TATDN1: variants seen among roughly 807,000 people sequenced by gnomAD.
TATDN1 encodes TatD DNase domain containing 1.
Under a neutral mutation model 46.4 loss-of-function variants are expected in TATDN1, and 40 were observed. That is an observed-to-expected ratio of 0.86 (90% CI 0.67 to 1.12). The LOEUF (loss-of-function observed/expected upper bound fraction) is 1.12. Among genes scored for constraint, TATDN1 ranks in the 50% most tolerant of loss-of-function variants. The pLI, the probability that TATDN1 is intolerant of heterozygous loss-of-function variation, is 0.00. For missense variants in TATDN1, 326 were observed against 348.4 expected (o/e 0.94, Z 0.51); for synonymous variants, 95 against 105.6 (o/e 0.90, Z 0.62).
At chr8:124,506,857 A>G (rs1022445430) in intron 8 of TATDN1, among the ~76,000 whole-genome samples, 1 of 152,178 alleles carries the variant, frequency 6.6e-6, no homozygotes, top group African/African-American at 2.4e-5. Context: ...AAAGGAGTCC[A>G]TGATCGAAGA....
intron 6 of TATDN1, 56 bp downstream of exon 6, chr8:124,515,689 AT>A: frequency 6.6e-7 from 1 of 1,523,668 alleles, no homozygotes. Flanking sequence ...GATACAAGAT[AT>A]TTTAAAAATC....
chr8:124,497,471 A>G (rs908087010), intron 9 of TATDN1, among the ~76,000 whole-genome samples: 1 of 151,848 alleles, frequency 6.6e-6, no homozygotes, highest in African/African-American at 2.4e-5. Context: ...TTTTTAGTAG[A>G]GAGGGGGGTT....
chr8:124,511,794 G>A (rs1819041530), intron 6 of TATDN1, among the ~76,000 whole-genome samples: 1 of 152,050 alleles, frequency 6.6e-6, no homozygotes, highest in African/African-American at 2.4e-5. Flanking sequence ...TTTCTAGTAT[G>A]AGGAATGTAA....
chr8:124,504,983 G>A (rs906340865), intron 8 of TATDN1, among the ~76,000 whole-genome samples: 6 of 149,712 alleles, frequency 4.0e-5, no homozygotes, highest in East Asian at 2.0e-4. Flanking sequence ...TTGAACTCCC[G>A]ACCTCAGGTG....
chr8:124,513,784 A>T (rs1271680148), intron 6 of TATDN1, among the ~76,000 whole-genome samples: 1 of 152,254 alleles, frequency 6.6e-6, no homozygotes, highest in African/African-American at 2.4e-5. Flanking sequence ...TGCTTGTCAT[A>T]ACACAGTCTA....
intron 5 of TATDN1, 32 bp from the exon 6 acceptor site, chr8:124,515,820 T>C (rs1819414856): frequency 1.9e-6 from 3 of 1,613,480 alleles, no homozygotes; most frequent in African/African-American, 1.3e-5. Flanking sequence ...TAATTACTCC[T>C]AACTTATACA....
At chr8:124,497,285 C>CT (rs1554605398) in intron 9 of TATDN1, among the ~76,000 whole-genome samples, 1 of 147,032 alleles carries the variant, frequency 6.8e-6, no homozygotes. Context: ...CTTCTTTCTT[C>CT]TTCTTTTTTT....
intron 11 of TATDN1, among the ~76,000 whole-genome samples, chr8:124,492,751 C>CAAAAAAAAAAAAAAAAA (rs397892964): frequency 1.4e-5 from 1 of 72,360 alleles, no homozygotes; most frequent in African/African-American, 5.2e-5. Context: ...AAGATGGTCT[C>CAAAAAAAAAAAAAAAAA]AAAAAAAAAA....
intron 1 of TATDN1, among the ~76,000 whole-genome samples, chr8:124,533,266 C>T (rs1368343734): frequency 2.7e-5 from 4 of 149,678 alleles, no homozygotes; most frequent in Non-Finnish European, 5.9e-5. Context: ...AAAAAAAACG[C>T]AAAATGGTAG....
chr8:124,501,798 T>C (rs1314019581), intron 9 of TATDN1, among the ~76,000 whole-genome samples: 1 of 151,912 alleles, frequency 6.6e-6, no homozygotes, highest in Non-Finnish European at 1.5e-5. Context: ...TGCCCCCCAC[T>C]GGAAGGGCTA....
At chr8:124,502,375 T>G (rs934928619) in intron 9 of TATDN1, among the ~76,000 whole-genome samples, 5 of 151,204 alleles carry the variant, frequency 3.3e-5, no homozygotes, top group African/African-American at 9.7e-5. Context: ...TTCTCTCCCC[T>G]TTCATTAACT....
chr8:124,518,741 C>A (rs780046414), intron 4 of TATDN1, 77 bp downstream of exon 4: 2 of 999,182 alleles, frequency 2.0e-6, no homozygotes, highest in East Asian at 2.4e-5. Context: ...TTGTATTGTA[C>A]CTGAAGCAGT....
chr8:124,498,415 A>ACCCCCCCCCCCCCC (rs1179178293), intron 9 of TATDN1, among the ~76,000 whole-genome samples: 2 of 128,646 alleles, frequency 1.6e-5, no homozygotes, highest in African/African-American at 2.9e-5. Context: ...TCTTAAGAAA[A>ACCCCCCCCCCCCCC]CCCCCACCCC....
chr8:124,502,474 T>C (rs1433304017), intron 9 of TATDN1, among the ~76,000 whole-genome samples: 1 of 152,216 alleles, frequency 6.6e-6, no homozygotes, highest in African/African-American at 2.4e-5. Flanking sequence ...CAGAATCGTG[T>C]AGTTGCTCAT....
At chr8:124,495,678 AT>A in intron 9 of TATDN1, 136 bp from the exon 10 acceptor site, 1 of 632,968 alleles carries the variant, frequency 1.6e-6, no homozygotes, top group South Asian at 2.1e-5. Flanking sequence ...TTTGGAAAGT[AT>A]TTGCACACCT....
chr8:124,497,576 C>T (rs1445952052), intron 9 of TATDN1, among the ~76,000 whole-genome samples: 6 of 152,186 alleles, frequency 3.9e-5, no homozygotes, highest in South Asian at 2.1e-4. Context: ...CACAATCCAC[C>T]GTGACCAGCC....
At chr8:124,498,673 C>T (rs776081694) in intron 9 of TATDN1, among the ~76,000 whole-genome samples, 26 of 152,182 alleles carry the variant, frequency 1.7e-4, no homozygotes, top group Middle Eastern at 3.4e-3. Flanking sequence ...ACAGAACAGA[C>T]GGAGTCTCTC....
At chr8:124,509,673 G>A (rs1818835413) in intron 6 of TATDN1, among the ~76,000 whole-genome samples, 1 of 152,086 alleles carries the variant, frequency 6.6e-6, no homozygotes, top group South Asian at 2.1e-4. Flanking sequence ...TGATGTGCAG[G>A]ACTATTTTAC....
intron 9 of TATDN1, chr8:124,503,909 G>A (rs776011922): frequency 6.2e-6 from 8 of 1,293,278 alleles, no homozygotes; most frequent in East Asian, 5.5e-5. Context: ...AGAATAAACC[G>A]TTCGTCCATA....
Sources: gnomAD v4.1 joint callset for allele counts (sites outside exome capture counted in the v4.1 genomes callset) on GRCh38, gnomAD v4.1.1 for gene constraint, MANE v1.5 for transcripts, NCBI Gene and HGNC (gene_info 2026-07-23, HGNC 2026-07-21) for gene names.